TLL1: variants seen among roughly 807,000 people sequenced by gnomAD.
TLL1 encodes tolloid like 1.
TLL1 carries 49 observed loss-of-function variants against 128.2 expected under a neutral mutation model. That is an observed-to-expected ratio of 0.38 (90% CI 0.30 to 0.48). The LOEUF is 0.48. Ranked by LOEUF, TLL1 falls within the 20% of genes least tolerant of loss-of-function variation. The pLI, the probability that TLL1 is intolerant of heterozygous loss-of-function variation, is 0.96. For synonymous variants in TLL1, 454 were observed against 418.8 expected, an observed-to-expected ratio of 1.08 and a Z score of -1.03; for missense variants, 1,123 against 1,242.0, an observed-to-expected ratio of 0.90 and a Z score of 1.44.
intron 1 of TLL1, among the ~76,000 whole-genome samples, chr4:165,972,268 C>T (rs1735663060): frequency 6.6e-6 from 1 of 152,184 alleles, no homozygotes; most frequent in South Asian, 2.1e-4. Flanking sequence ...TGATTTTGCA[C>T]GTTTCAGTGT....
chr4:165,990,997 G>A lies in TLL1; in HGVS notation c.280+1506G>A, dbSNP rs114633940. 6.4e-3 allele frequency among the ~76,000 whole-genome samples: 976 copies of A among 151,964 alleles called. 7 individuals are homozygous for A. The highest frequency in any genetic ancestry group is 0.02 in the African/African-American group (850 of 41,520). On this transcript the variant is annotated intron_variant, in intron 2 of 20. Coordinates refer to ENST00000061240, the MANE Select transcript of TLL1 (RefSeq NM_012464.5). ...CCTGTAACACTGTCATGGAGACAACGCATTCTGGACAGTAGAGCAATGATA... is the reference window on the plus strand; with the variant it reads ...CCTGTAACACTGTCATGGAGACAACACATTCTGGACAGTAGAGCAATGATA...
rs891241472 is a variant in TLL1 at position 166,030,867 on chromosome 4, T to C, written c.1158+5436T>C. The C allele has an allele frequency of 4.4e-5, 44 of 991,872 alleles. No individual in the cohort carries two copies. In the African/African-American group the frequency reaches 7.4e-4, roughly 17 times the overall value. The allele number at this position is 991,872 out of a possible 1,614,324, so 61.4% of individuals were successfully genotyped here. ...TTTTGTTTTTTTCTGTTTGAAAATG[T>C]GGATTTTTTACATGAATTTATAAAA... On this transcript the variant is annotated intron_variant, in intron 9 of 20. Transcript: ENST00000061240.
intron 1 of TLL1, among the ~76,000 whole-genome samples, chr4:165,911,583 G>A (rs982650829): frequency 1.3e-5 from 2 of 152,024 alleles, no homozygotes; most frequent in Non-Finnish European, 2.9e-5. Context: ...ATTTATTTTG[G>A]TTTACAAAGA....
At chr4:166,083,102 T>G (rs1349299404) in intron 18 of TLL1, among the ~76,000 whole-genome samples, 1 of 152,154 alleles carries the variant, frequency 6.6e-6, no homozygotes, top group Non-Finnish European at 1.5e-5. Flanking sequence ...CCAACTGGCT[T>G]CATTATGGGC....
At chr4:166,007,523 CT>C (rs771280578) in intron 6 of TLL1, among the ~76,000 whole-genome samples, 6 of 151,598 alleles carry the variant, frequency 4.0e-5, no homozygotes, top group Non-Finnish European at 8.9e-5. Flanking sequence ...TAGAAAGGAT[CT>C]AAACCAAATA....
At chr4:166,026,171 C>G (rs919569971) in intron 9 of TLL1, among the ~76,000 whole-genome samples, 12 of 149,052 alleles carry the variant, frequency 8.1e-5, no homozygotes, top group East Asian at 6.1e-4. Context: ...GCGGATCACT[C>G]GAGGTCAGGA....
intron 11 of TLL1, among the ~76,000 whole-genome samples, chr4:166,042,772 C>T (rs1170275413): frequency 3.3e-5 from 5 of 152,200 alleles, no homozygotes; most frequent in South Asian, 4.2e-4. Flanking sequence ...TTTAAGTAAA[C>T]GGAAGCATTT....
intron 1 of TLL1, among the ~76,000 whole-genome samples, chr4:165,959,674 C>G (rs1734997247): frequency 6.6e-6 from 1 of 151,990 alleles, no homozygotes; most frequent in African/African-American, 2.4e-5. Flanking sequence ...AAAATAGAAA[C>G]AAATAACAGG....
intron 16 of TLL1, among the ~76,000 whole-genome samples, chr4:166,069,756 TAAG>T (rs1404922155): frequency 6.6e-6 from 1 of 151,744 alleles, no homozygotes; most frequent in Non-Finnish European, 1.5e-5. Flanking sequence ...CTCATAAAAT[TAAG>T]AAACTCTCAT....
At chr4:166,065,042 G>A (rs6536942) in intron 15 of TLL1, among the ~76,000 whole-genome samples, 141,068 of 152,132 alleles carry the variant, frequency 0.93, 65,552 homozygotes, top group East Asian at 1. Context: ...AATTGCTTAA[G>A]AATACCTGGC....
chr4:166,028,521 T>G lies in TLL1; in HGVS notation c.1158+3090T>G, dbSNP rs556344515. Among the ~76,000 whole-genome samples the G allele has an allele frequency of 2.0e-5, 3 of 152,144 alleles. No homozygotes were observed. The South Asian group carries it at 6.2e-4, about 32-fold the overall frequency. The stretch of plus-strand genomic sequence containing the variant: ...CAATGGTTGGGTGCATCATCTTAAT[T>G]GTGATGCTCATAGATTCTCTATATT... On this transcript the variant is annotated intron_variant, in intron 9 of 20. Coordinates refer to ENST00000061240, the MANE Select transcript of TLL1 (RefSeq NM_012464.5).
At chr4:166,023,828 G>T (rs534562584) in intron 8 of TLL1, among the ~76,000 whole-genome samples, 1 of 152,096 alleles carries the variant, frequency 6.6e-6, no homozygotes, top group African/African-American at 2.4e-5. Context: ...TGTACTTGAG[G>T]AAATTCAGTA....
intron 1 of TLL1, among the ~76,000 whole-genome samples, chr4:165,977,476 C>T (rs548836241): frequency 2.7e-4 from 41 of 152,174 alleles, no homozygotes; most frequent in Non-Finnish European, 4.9e-4. Flanking sequence ...TTATAAATTA[C>T]CCAGTCATGA....
chr4:166,042,190 A>G (rs376871830), intron 11 of TLL1, 47 bp downstream of exon 11: 41 of 1,239,986 alleles, frequency 3.3e-5, no homozygotes, highest in Middle Eastern at 3.8e-4. Flanking sequence ...ATATCTCAAC[A>G]GAAATGTTCG....
intron 1 of TLL1, among the ~76,000 whole-genome samples, chr4:165,934,162 C>A (rs1308612192): frequency 6.8e-6 from 1 of 145,998 alleles, no homozygotes; most frequent in Non-Finnish European, 1.5e-5. Flanking sequence ...CCACGCCCAG[C>A]TAATTTTTTG....
intron 8 of TLL1, among the ~76,000 whole-genome samples, chr4:166,019,733 T>A (rs911628603): frequency 6.6e-6 from 1 of 152,204 alleles, no homozygotes; most frequent in Non-Finnish European, 1.5e-5. Flanking sequence ...AATTTTTTAA[T>A]GTATCAGAAG....
Position 166,014,488 on chromosome 4 carries a change from C to A in TLL1, c.970C>A (p.Pro324Thr). Residue 324 changes from proline (P) to threonine (T), a missense_variant, in exon 8 of 21, where the codon CCT (proline) becomes ACT (threonine). Physicochemically the swap from Pro to Thr is conservative, Grantham distance 38 (BLOSUM62 -1). Coordinates refer to ENST00000061240, the MANE Select transcript of TLL1 (RefSeq NM_012464.5). Reference protein sequence around the residue: ...LPSRDDNGIRPAIGQRTRLSK... With the variant: ...LPSRDDNGIRTAIGQRTRLSK... ...CTCCCGTGATGATAATGGCATACGT[C>A]CTGCAATTGGTCAGCGAACCCGTCT... 6.2e-7 allele frequency: 1 copy of A among 1,612,414 alleles called. No individual in the cohort carries two copies. The highest frequency in any genetic ancestry group is 1.1e-5 in the South Asian group (1 of 91,052).
chr4:166,028,676 C>G (rs1447493325), intron 9 of TLL1, among the ~76,000 whole-genome samples: 3 of 151,944 alleles, frequency 2.0e-5, no homozygotes, highest in Non-Finnish European at 4.4e-5. Context: ...CACATGTTTA[C>G]AACATTTTAT....
chr4:166,082,968 T>C (rs976015207), intron 18 of TLL1, among the ~76,000 whole-genome samples: 6 of 152,122 alleles, frequency 3.9e-5, no homozygotes, highest in Non-Finnish European at 8.8e-5. Flanking sequence ...TGAGCCACCG[T>C]GCCCTGCTAG....
Sources: gnomAD v4.1 joint callset for allele counts (sites outside exome capture counted in the v4.1 genomes callset) on GRCh38, gnomAD v4.1.1 for gene constraint, MANE v1.5 for transcripts, NCBI Gene and HGNC (gene_info 2026-07-23, HGNC 2026-07-21) for gene names.